Variants in AFG2A observed in about 807,000 individuals in gnomAD.
AFG2A encodes the protein ATPase family gene 2 protein homolog A.
chr4:123,197,626 G>A, the AFG2A span, among the ~76,000 whole-genome samples: 31 of 152,058 alleles, frequency 2.0e-4, no homozygotes, highest in Non-Finnish European at 3.5e-4. Flanking sequence ...AAAATTAGCC[G>A]GGCACAGTGG....
the AFG2A span, among the ~76,000 whole-genome samples, chr4:123,291,297 G>C: frequency 6.6e-6 from 1 of 152,022 alleles, no homozygotes. Flanking sequence ...GGAGCATTTA[G>C]ATCCACTATT....
At chr4:123,300,273 C>T in the AFG2A span, among the ~76,000 whole-genome samples, 1 of 152,200 alleles carries the variant, frequency 6.6e-6, no homozygotes, top group Non-Finnish European at 1.5e-5. Context: ...CATCTTTATT[C>T]TCCACCTTGG....
At chr4:123,141,386 C>A in the AFG2A span, among the ~76,000 whole-genome samples, 4 of 152,130 alleles carry the variant, frequency 2.6e-5, no homozygotes, top group Non-Finnish European at 1.5e-5. Context: ...TCGCTTGAAC[C>A]CAGAGGCGGA....
the AFG2A span, among the ~76,000 whole-genome samples, chr4:123,042,171 CAA>C: frequency 6.6e-6 from 1 of 152,142 alleles, no homozygotes; most frequent in Non-Finnish European, 1.5e-5. Flanking sequence ...GCTGCTATAA[CAA>C]AATACCATAG....
chr4:122,926,837 A>G, the AFG2A span, among the ~76,000 whole-genome samples: 5 of 152,242 alleles, frequency 3.3e-5, no homozygotes, highest in African/African-American at 1.2e-4. Flanking sequence ...GCTATATTTA[A>G]TGCACTGTAA....
the AFG2A span, among the ~76,000 whole-genome samples, chr4:123,000,538 C>T: frequency 6.7e-6 from 1 of 150,110 alleles, no homozygotes; most frequent in African/African-American, 2.4e-5. Context: ...TGTCAAAGGC[C>T]TTTTCTGCAT....
the AFG2A span, among the ~76,000 whole-genome samples, chr4:123,142,360 G>A: frequency 6.6e-6 from 1 of 152,120 alleles, no homozygotes; most frequent in African/African-American, 2.4e-5. Context: ...CAGCAGTCAT[G>A]TTTTATTCAT....
At chr4:123,078,908 T>C in the AFG2A span, among the ~76,000 whole-genome samples, 1 of 152,208 alleles carries the variant, frequency 6.6e-6, no homozygotes, top group Admixed American at 6.5e-5. Context: ...ACCAGTTCTT[T>C]GTTTAGCATA....
At chr4:123,080,017 G>A in the AFG2A span, among the ~76,000 whole-genome samples, 1 of 152,026 alleles carries the variant, frequency 6.6e-6, no homozygotes, top group Admixed American at 6.6e-5. Context: ...CCAAAGTGCT[G>A]AGATTACATG....
At chr4:123,269,151 T>A in the AFG2A span, among the ~76,000 whole-genome samples, 1 of 152,214 alleles carries the variant, frequency 6.6e-6, no homozygotes, top group Non-Finnish European at 1.5e-5. Context: ...AAACTTCAAA[T>A]GTGTAGTTCC....
At chr4:123,013,093 G>T in the AFG2A span, among the ~76,000 whole-genome samples, 4 of 152,084 alleles carry the variant, frequency 2.6e-5, no homozygotes, top group African/African-American at 9.7e-5. Flanking sequence ...ATAGGATTTG[G>T]GTAGGTAAAG....
At chr4:123,074,873 A>G in the AFG2A span, among the ~76,000 whole-genome samples, 1 of 152,156 alleles carries the variant, frequency 6.6e-6, no homozygotes, top group African/African-American at 2.4e-5. Flanking sequence ...GTTTCGAGGA[A>G]TGGGATGAAT....
At chr4:123,301,132 C>A in the AFG2A span, among the ~76,000 whole-genome samples, 1 of 152,178 alleles carries the variant, frequency 6.6e-6, no homozygotes, top group Non-Finnish European at 1.5e-5. Flanking sequence ...AAGTTTTGAA[C>A]CTTCGCTATA....
the AFG2A span, among the ~76,000 whole-genome samples, chr4:123,088,488 C>T: frequency 1.2e-3 from 187 of 152,226 alleles, 1 homozygote; most frequent in South Asian, 9.1e-3. Flanking sequence ...TAAACTCCCA[C>T]GTGGAAAAGT....
At chr4:122,988,292 G>T in the AFG2A span, among the ~76,000 whole-genome samples, 2 of 147,470 alleles carry the variant, frequency 1.4e-5, no homozygotes, top group African/African-American at 5.0e-5. Context: ...AGTTCTTTAG[G>T]CTTTATGGAT....
At chr4:123,157,476 A>G in the AFG2A span, among the ~76,000 whole-genome samples, 1 of 152,152 alleles carries the variant, frequency 6.6e-6, no homozygotes, top group Non-Finnish European at 1.5e-5. Context: ...TGATTATTGC[A>G]TTCATGTTTT....
the AFG2A span, among the ~76,000 whole-genome samples, chr4:122,936,982 AAAAAAT>A: frequency 3.9e-5 from 6 of 152,062 alleles, no homozygotes; most frequent in African/African-American, 9.7e-5. Context: ...CTTTGACTCG[AAAAAAT>A]AAAAATAAAA....
chr4:122,993,574 A>G, the AFG2A span, among the ~76,000 whole-genome samples: 1 of 152,230 alleles, frequency 6.6e-6, no homozygotes, highest in African/African-American at 2.4e-5. Context: ...TATAAGACTA[A>G]AATGTATTAT....
At chr4:123,017,107 CTG>C in the AFG2A span, among the ~76,000 whole-genome samples, 2 of 146,812 alleles carry the variant, frequency 1.4e-5, no homozygotes, top group Admixed American at 1.4e-4. Flanking sequence ...CAGTGGGAGA[CTG>C]TGGAAAGAGA....
Sources: gnomAD v4.1 joint callset for allele counts (sites outside exome capture counted in the v4.1 genomes callset) on GRCh38, gnomAD v4.1.1 for gene constraint, MANE v1.5 for transcripts, NCBI Gene and HGNC (gene_info 2026-07-23, HGNC 2026-07-21) for gene names.